NR3C2: variants seen among roughly 807,000 people sequenced by gnomAD.
NR3C2 encodes the protein nuclear receptor subfamily 3 group C member 2, also known as mineralocorticoid receptor.
In NR3C2, 15 loss-of-function variants were observed where a neutral mutation model predicts 86.4. The observed-to-expected ratio is 0.17, with a 90% CI of 0.12 to 0.27. The LOEUF (loss-of-function observed/expected upper bound fraction) is 0.27. Ranked by LOEUF, NR3C2 falls within the 10% of genes least tolerant of loss-of-function variation. The pLI is 1.00. For missense variants in NR3C2, 960 were observed against 1,195.6 expected (o/e 0.80, Z 2.91); for synonymous variants, 458 against 450.5 (o/e 1.02, Z -0.21).
chr4:148,133,587 A>G, intron 6 of NR3C2, among the ~76,000 whole-genome samples: 1 of 152,256 alleles, frequency 6.6e-6, no homozygotes. Context: ...TCCTACTACA[A>G]TAAAAGATTT....
chr4:148,412,721 A>G (rs1748766658), intron 2 of NR3C2, among the ~76,000 whole-genome samples: 1 of 152,234 alleles, frequency 6.6e-6, no homozygotes, highest in Admixed American at 6.5e-5. Flanking sequence ...CTAAAAGCAC[A>G]TAATTTTTAT....
chr4:148,092,609 A>G (rs1404125598), intron 8 of NR3C2, among the ~76,000 whole-genome samples: 1 of 152,208 alleles, frequency 6.6e-6, no homozygotes, highest in Non-Finnish European at 1.5e-5. Context: ...TTATTCATTG[A>G]GCCAAAACAA....
intron 3 of NR3C2, among the ~76,000 whole-genome samples, chr4:148,240,006 TG>T (rs990511739): frequency 4.0e-5 from 6 of 151,842 alleles, no homozygotes; most frequent in Admixed American, 2.0e-4. Context: ...TGTGCGTGTG[TG>T]GGGGGCCAGA....
intron 4 of NR3C2, among the ~76,000 whole-genome samples, chr4:148,158,633 G>A (rs1734512950): frequency 6.6e-6 from 1 of 152,112 alleles, no homozygotes; most frequent in African/African-American, 2.4e-5. Flanking sequence ...ACAGCCAATG[G>A]TGATATTTTC....
At chr4:148,401,717 C>G (rs12711260) in intron 2 of NR3C2, among the ~76,000 whole-genome samples, 61,218 of 151,896 alleles carry the variant, frequency 0.4, 14,259 homozygotes, top group East Asian at 0.75. Context: ...TCATCTCTGC[C>G]TCCCAAAGTG....
At chr4:148,308,839 T>C (rs970677405) in intron 2 of NR3C2, among the ~76,000 whole-genome samples, 1 of 151,886 alleles carries the variant, frequency 6.6e-6, no homozygotes, top group South Asian at 2.1e-4. Flanking sequence ...TACAAAAAAT[T>C]AGGCATGGTG....
chr4:148,236,384 A>G (rs919211328), intron 3 of NR3C2, among the ~76,000 whole-genome samples: 5 of 152,232 alleles, frequency 3.3e-5, no homozygotes, highest in African/African-American at 1.2e-4. Context: ...GGAAAAAGAA[A>G]AGTTGATTTT....
chr4:148,400,778 CAAAAAAA>C (rs34623514), intron 2 of NR3C2, among the ~76,000 whole-genome samples: 4 of 84,416 alleles, frequency 4.7e-5, no homozygotes, highest in African/African-American at 1.4e-4. Flanking sequence ...GACTCCGTCT[CAAAAAAA>C]AAAAAAAAAA....
chr4:148,126,605 C>G (rs112786787), intron 6 of NR3C2, among the ~76,000 whole-genome samples: 25 of 152,298 alleles, frequency 1.6e-4, no homozygotes, highest in African/African-American at 5.8e-4. Flanking sequence ...CATCCACACA[C>G]AGATTAAAGA....
chr4:148,235,262 TTATATATA>T (rs370271975), intron 3 of NR3C2, among the ~76,000 whole-genome samples: 1 of 143,720 alleles, frequency 7.0e-6, no homozygotes, highest in East Asian at 2.0e-4. Flanking sequence ...TAAGTGGCAA[TTATATATA>T]TATATATATA....
intron 6 of NR3C2, among the ~76,000 whole-genome samples, chr4:148,136,607 T>G (rs1733356854): frequency 6.6e-6 from 1 of 152,136 alleles, no homozygotes; most frequent in Non-Finnish European, 1.5e-5. Flanking sequence ...TACACAGTTT[T>G]GCCCGGCAGC....
At chr4:148,384,365 TTC>T (rs1747158337) in intron 2 of NR3C2, among the ~76,000 whole-genome samples, 1 of 152,206 alleles carries the variant, frequency 6.6e-6, no homozygotes, top group African/African-American at 2.4e-5. Context: ...ACACTGGATT[TTC>T]TTTGTCCAGA....
intron 2 of NR3C2, among the ~76,000 whole-genome samples, chr4:148,332,444 C>T (rs776530390): frequency 2.0e-5 from 3 of 152,112 alleles, no homozygotes; most frequent in East Asian, 3.8e-4. Context: ...AATACTTAGA[C>T]AATATCTCTA....
chr4:148,160,362 C>T (rs1734600834), intron 4 of NR3C2, among the ~76,000 whole-genome samples: 1 of 124,432 alleles, frequency 8.0e-6, no homozygotes, highest in African/African-American at 3.2e-5. Flanking sequence ...AGCTTTGAAA[C>T]ATGACATGGC....
intron 2 of NR3C2, among the ~76,000 whole-genome samples, chr4:148,273,311 G>A (rs1330645827): frequency 6.6e-6 from 1 of 152,072 alleles, no homozygotes; most frequent in Non-Finnish European, 1.5e-5. Context: ...GAAATCTATG[G>A]CAATATTCCC....
intron 2 of NR3C2, among the ~76,000 whole-genome samples, chr4:148,279,920 T>C (rs1741150860): frequency 6.6e-6 from 1 of 152,104 alleles, no homozygotes; most frequent in African/African-American, 2.4e-5. Flanking sequence ...AGACGGGGTT[T>C]CACCATGTTG....
At chr4:148,178,386 G>C (rs1735481951) in intron 4 of NR3C2, among the ~76,000 whole-genome samples, 1 of 151,722 alleles carries the variant, frequency 6.6e-6, no homozygotes, top group Non-Finnish European at 1.5e-5. Flanking sequence ...ATTTCGCTTT[G>C]ATAATCTGCT....
intron 2 of NR3C2, among the ~76,000 whole-genome samples, chr4:148,292,119 T>G (rs1048718108): frequency 5.3e-5 from 8 of 152,088 alleles, no homozygotes; most frequent in Middle Eastern, 3.2e-3. Context: ...TTTTTTAATC[T>G]GGAGTTGCCT....
chr4:148,399,343 T>C (rs987619655), intron 2 of NR3C2, among the ~76,000 whole-genome samples: 1 of 152,056 alleles, frequency 6.6e-6, no homozygotes, highest in Non-Finnish European at 1.5e-5. Flanking sequence ...ATCATTCACA[T>C]ACTTTTAAAT....
Sources: allele counts gnomAD v4.1 joint callset (sites outside exome capture counted in the v4.1 genomes callset), GRCh38; gene constraint gnomAD v4.1.1; transcripts MANE v1.5; gene names NCBI Gene and HGNC (gene_info 2026-07-23, HGNC 2026-07-21).